The following SSH2 variants were observed in gnomAD, a reference collection of about 807,000 sequenced individuals.
SSH2 encodes slingshot protein phosphatase 2.
Under a neutral mutation model 135.2 loss-of-function variants are expected in SSH2, and 37 were observed. That is an observed-to-expected ratio of 0.27 (90% CI 0.21 to 0.36). The LOEUF is 0.36. Among genes scored for constraint, SSH2 ranks in the 10% least tolerant of loss-of-function variants. The pLI is 1.00. For synonymous variants in SSH2, 628 were observed against 646.2 expected, an observed-to-expected ratio of 0.97 and a Z score of 0.43; for missense variants, 1,408 against 1,765.3, an observed-to-expected ratio of 0.80 and a Z score of 3.63.
chr17:29,915,536 T>C (rs937588262), intron 1 of SSH2, among the ~76,000 whole-genome samples: 27 of 152,326 alleles, frequency 1.8e-4, no homozygotes, highest in Non-Finnish European at 3.1e-4. Context: ...ATTCTATGAT[T>C]TGACTATACA....
In SSH2 at chr17:29,831,792, C is replaced by T. The variant is rs187632658; in HGVS notation, c.144+17057G>A. 1.0e-3 allele frequency among the ~76,000 whole-genome samples: 153 copies of T among 151,926 alleles called. 2 individuals are homozygous for T. In the Middle Eastern group the frequency reaches 0.01, roughly 10 times the overall value. ...ACGGGGTTTCGCCATGTTGGCGAGGCTGTCTCCAACTCCTGGCCTCAGGTG... is the reference window on the plus strand; with the variant it reads ...ACGGGGTTTCGCCATGTTGGCGAGGTTGTCTCCAACTCCTGGCCTCAGGTG... On this transcript the variant is annotated intron_variant, in intron 2 of 15. Coordinates refer to ENST00000540801, the MANE Select transcript of SSH2 (RefSeq NM_001282129.2).
At chr17:29,889,044 A>T (rs959360271) in intron 1 of SSH2, among the ~76,000 whole-genome samples, 1 of 150,644 alleles carries the variant, frequency 6.6e-6, no homozygotes, top group East Asian at 1.9e-4. Flanking sequence ...TAGTTTTCTT[A>T]AAAAAAAATG....
At chr17:29,921,708 G>A (rs1273650378) in intron 1 of SSH2, among the ~76,000 whole-genome samples, 2 of 151,842 alleles carry the variant, frequency 1.3e-5, no homozygotes, top group Non-Finnish European at 1.5e-5. Flanking sequence ...GGAGTAGCTG[G>A]GATTACAGGC....
At chr17:29,708,206 A>G (rs949648382) in intron 3 of SSH2, among the ~76,000 whole-genome samples, 1 of 152,236 alleles carries the variant, frequency 6.6e-6, no homozygotes, top group Non-Finnish European at 1.5e-5. Context: ...TCTTGCCAGA[A>G]TAGTAAAAGA....
In SSH2 at chr17:29,785,945, C is replaced by T. The variant is rs376971105; in HGVS notation, c.188+7949G>A. 8.8e-4 allele frequency among the ~76,000 whole-genome samples: 134 copies of T among 152,080 alleles called. 1 individual carries two copies. The highest frequency in any genetic ancestry group is 3.1e-3 in the African/African-American group (128 of 41,482). ...TCAGCCTCCCCAGTAGCTGGGATTA[C>T]AGGCGCCCGCCATCACGCCCGGCTA... is the stretch of plus-strand genomic sequence containing the variant. On this transcript the variant is annotated intron_variant, in intron 3 of 15. Coordinates refer to ENST00000540801, the MANE Select transcript of SSH2 (RefSeq NM_001282129.2).
intron 2 of SSH2, among the ~76,000 whole-genome samples, chr17:29,840,065 T>A (rs1568006837): frequency 6.6e-6 from 1 of 152,174 alleles, no homozygotes; most frequent in Non-Finnish European, 1.5e-5. Flanking sequence ...AAAGGGTAAA[T>A]TTTTCCCAAG....
intron 2 of SSH2, among the ~76,000 whole-genome samples, chr17:29,812,762 C>T (rs980797645): frequency 3.3e-4 from 50 of 151,874 alleles, no homozygotes; most frequent in African/African-American, 1.2e-3. Context: ...TGGTGGCGGG[C>T]GCCTGTAGTC....
intron 13 of SSH2, 29 bp downstream of exon 13, chr17:29,650,625 T>C: frequency 6.3e-7 from 1 of 1,587,040 alleles, no homozygotes; most frequent in Non-Finnish European, 8.6e-7. Context: ...GGAACAGAGA[T>C]CACAACATTG....
At chr17:29,700,597 T>C (rs918396742) in intron 4 of SSH2, among the ~76,000 whole-genome samples, 1 of 152,212 alleles carries the variant, frequency 6.6e-6, no homozygotes, top group Non-Finnish European at 1.5e-5. Flanking sequence ...GTCTTTTTAG[T>C]GTATACATTC....
At chr17:29,897,430 G>C (rs2066465956) in intron 1 of SSH2, among the ~76,000 whole-genome samples, 1 of 152,078 alleles carries the variant, frequency 6.6e-6, no homozygotes, top group Non-Finnish European at 1.5e-5. Flanking sequence ...TAAAGGGATG[G>C]AGGAAGATCT....
intron 5 of SSH2, among the ~76,000 whole-genome samples, chr17:29,686,371 T>G (rs1463387939): frequency 6.6e-6 from 1 of 151,936 alleles, no homozygotes; most frequent in Non-Finnish European, 1.5e-5. Flanking sequence ...ACAGTTTTTT[T>G]TTTTTTAAGA....
rs2036753859 is a variant in SSH2 at position 29,655,688 on chromosome 17, C to T, written c.1033-81G>A. 19 of 1,337,144 alleles carry T rather than the reference C, an allele frequency of 1.4e-5. No homozygotes were observed. In the South Asian group the frequency reaches 2.1e-4, roughly 15 times the overall value. The allele number at this position is 1,337,144 out of a possible 1,614,324, so 82.8% of individuals were successfully genotyped here. A position where few individuals can be genotyped will look rare whatever the true frequency, so the allele number is the denominator to read the frequency against. ...TTGAAAAGGAGCGAGAGAAGAAGAA[C>T]TTTCAAAAAGAAGACTAATAACATC... On this transcript the variant is annotated intron_variant, in intron 11 of 15. Coordinates refer to ENST00000540801, the MANE Select transcript of SSH2 (RefSeq NM_001282129.2).
chr17:29,842,546 T>A (rs994913460), intron 2 of SSH2, among the ~76,000 whole-genome samples: 2 of 152,114 alleles, frequency 1.3e-5, no homozygotes, highest in Non-Finnish European at 2.9e-5. Flanking sequence ...AAAAATAGCC[T>A]TTGTACCCAA....
At chr17:29,914,894 G>A (rs975993126) in intron 1 of SSH2, among the ~76,000 whole-genome samples, 17 of 151,978 alleles carry the variant, frequency 1.1e-4, no homozygotes, top group African/African-American at 3.6e-4. Flanking sequence ...AAAATAACAC[G>A]AGAGAAATAT....
chr17:29,881,908 T>C (rs2151432725), intron 1 of SSH2, among the ~76,000 whole-genome samples: 1 of 152,162 alleles, frequency 6.6e-6, no homozygotes, highest in Non-Finnish European at 1.5e-5. Context: ...TAAAATGAAC[T>C]CAAACTTTTA....
At chr17:29,761,878 TATATA>T (rs1368182699) in intron 3 of SSH2, among the ~76,000 whole-genome samples, 1 of 139,136 alleles carries the variant, frequency 7.2e-6, no homozygotes, top group Non-Finnish European at 1.6e-5. Flanking sequence ...TGTGTATATA[TATATA>T]TATATTTTTT....
intron 2 of SSH2, among the ~76,000 whole-genome samples, chr17:29,828,796 T>C (rs1200637069): frequency 1.3e-5 from 2 of 152,222 alleles, no homozygotes; most frequent in Non-Finnish European, 1.5e-5. Context: ...AGACGTTACC[T>C]AGTATTGTGG....
intron 3 of SSH2, among the ~76,000 whole-genome samples, chr17:29,723,020 ACTC>A (rs2057677229): frequency 6.6e-6 from 1 of 152,124 alleles, no homozygotes; most frequent in Admixed American, 6.6e-5. Flanking sequence ...AATGTCTACT[ACTC>A]AAATAAGGAG....
chr17:29,819,872 A>C (rs2042622932), intron 2 of SSH2, among the ~76,000 whole-genome samples: 1 of 152,230 alleles, frequency 6.6e-6, no homozygotes, highest in Non-Finnish European at 1.5e-5. Flanking sequence ...CAGCCTTTAG[A>C]ACAACTGCAA....
Sources: gnomAD v4.1 joint callset for allele counts (sites outside exome capture counted in the v4.1 genomes callset) on GRCh38, gnomAD v4.1.1 for gene constraint, MANE v1.5 for transcripts, NCBI Gene and HGNC (gene_info 2026-07-23, HGNC 2026-07-21) for gene names.